The following DCC variants were observed in gnomAD, a reference collection of about 807,000 sequenced individuals.
The protein encoded by DCC is netrin receptor DCC.
A neutral mutation model predicts 172.5 loss-of-function variants in DCC; 58 were observed. That is an observed-to-expected ratio of 0.34 (90% CI 0.27 to 0.42). DCC has a LOEUF of 0.42. Ranked by LOEUF, DCC falls within the 10% of genes least tolerant of loss-of-function variation. The probability of loss-of-function intolerance (pLI) is 1.00; values close to 1 mark genes in which losing one functional copy is unlikely to be tolerated. For synonymous variants in DCC, 709 were observed against 644.5 expected, an observed-to-expected ratio of 1.10 and a Z score of -1.52; for missense variants, 1,740 against 1,791.0, an observed-to-expected ratio of 0.97 and a Z score of 0.51.
intron 2 of DCC, among the ~76,000 whole-genome samples, chr18:52,896,505 T>C (rs1289816943): frequency 1.3e-5 from 2 of 152,206 alleles, no homozygotes; most frequent in African/African-American, 4.8e-5. Flanking sequence ...AACTTTCACA[T>C]ACATAAATGG....
intron 12 of DCC, among the ~76,000 whole-genome samples, chr18:53,257,440 A>G (rs1013543971): frequency 7.2e-5 from 11 of 152,310 alleles, no homozygotes; most frequent in Middle Eastern, 3.4e-3. Flanking sequence ...GAATTTTGTC[A>G]AAGGCCTTTT....
chr18:53,064,951 T>C (rs1347786656), intron 6 of DCC, among the ~76,000 whole-genome samples: 1 of 152,182 alleles, frequency 6.6e-6, no homozygotes, highest in Non-Finnish European at 1.5e-5. Flanking sequence ...TTGAATATAA[T>C]CTTTCTCCCA....
At chr18:52,779,282 C>T (rs904024991) in intron 2 of DCC, among the ~76,000 whole-genome samples, 1 of 152,100 alleles carries the variant, frequency 6.6e-6, no homozygotes. Flanking sequence ...TTAGGTATTT[C>T]TCCTAATCCT....
intron 1 of DCC, among the ~76,000 whole-genome samples, chr18:52,404,585 T>C (rs1986563488): frequency 6.6e-6 from 1 of 150,506 alleles, no homozygotes; most frequent in Admixed American, 6.6e-5. Context: ...CTAGCCCTTA[T>C]CCCTATATTG....
intron 9 of DCC, among the ~76,000 whole-genome samples, chr18:53,196,201 T>G (rs1293712484): frequency 6.6e-6 from 1 of 152,138 alleles, no homozygotes; most frequent in Non-Finnish European, 1.5e-5. Context: ...TATCTTCCGT[T>G]TGGTGTGTGT....
rs192243677 is a variant in DCC at position 53,032,294 on chromosome 18, G to A, written c.986-31011G>A. On this transcript the variant is annotated intron_variant, in intron 5 of 28. Coordinates refer to ENST00000442544, the MANE Select transcript of DCC (RefSeq NM_005215.4). ...GGAAAAAGAAGAAAATATATTAAAA[G>A]CCCTTTTACCTGAAAGAAAGATAAT... Among the ~76,000 whole-genome samples the A allele has an allele frequency of 4.5e-3, 689 of 152,182 alleles. 6 individuals are homozygous for A. The highest frequency in any genetic ancestry group is 0.016 in the African/African-American group (667 of 41,554).
chr18:53,083,104 T>A (rs976180537), intron 7 of DCC, among the ~76,000 whole-genome samples: 5 of 152,126 alleles, frequency 3.3e-5, no homozygotes, highest in African/African-American at 1.2e-4. Context: ...AACATAATCA[T>A]CAAAACATCT....
intron 11 of DCC, among the ~76,000 whole-genome samples, chr18:53,211,745 A>G (rs899732484): frequency 6.6e-6 from 1 of 151,900 alleles, no homozygotes; most frequent in African/African-American, 2.4e-5. Flanking sequence ...AAAATAAAAT[A>G]AATATAAAAT....
intron 2 of DCC, among the ~76,000 whole-genome samples, chr18:52,869,855 C>T (rs1158220441): frequency 1.3e-5 from 2 of 151,728 alleles, no homozygotes; most frequent in African/African-American, 4.8e-5. Flanking sequence ...ACGGAGAGAA[C>T]AGACAGCCCC....
intron 2 of DCC, among the ~76,000 whole-genome samples, chr18:52,856,544 T>A (rs1207783855): frequency 1.4e-5 from 2 of 139,466 alleles, no homozygotes; most frequent in African/African-American, 2.7e-5. Flanking sequence ...GAGGATGGCG[T>A]GAACCCGGGA....
chr18:52,704,806 T>A (rs1011945574), intron 1 of DCC, among the ~76,000 whole-genome samples: 1 of 152,078 alleles, frequency 6.6e-6, no homozygotes, highest in Non-Finnish European at 1.5e-5. Flanking sequence ...TTTCAACTTT[T>A]GTATCTTTGT....
chr18:52,925,027 G>A (rs17390646), intron 4 of DCC, among the ~76,000 whole-genome samples: 1 of 151,310 alleles, frequency 6.6e-6, no homozygotes. Context: ...TCATTTATTT[G>A]ATCGCTACAC....
chr18:53,277,102 A>G (rs1418659631), intron 12 of DCC, among the ~76,000 whole-genome samples: 4 of 152,212 alleles, frequency 2.6e-5, no homozygotes, highest in Non-Finnish European at 4.4e-5. Flanking sequence ...ACAAATAAAT[A>G]TAGTACTCTC....
chr18:53,260,695 C>G (rs1428224164), intron 12 of DCC, among the ~76,000 whole-genome samples: 1 of 152,160 alleles, frequency 6.6e-6, no homozygotes, highest in Non-Finnish European at 1.5e-5. Flanking sequence ...AGATCTCCAG[C>G]CATGTGCTGG....
chr18:53,380,889 T>C (rs1004113070), intron 15 of DCC, among the ~76,000 whole-genome samples: 3 of 152,188 alleles, frequency 2.0e-5, no homozygotes, highest in Admixed American at 2.0e-4. Flanking sequence ...GTAAGGTTGA[T>C]CTTCTCTAAG....
chr18:52,793,828 G>A (rs914161363), intron 2 of DCC, among the ~76,000 whole-genome samples: 6 of 152,116 alleles, frequency 3.9e-5, no homozygotes, highest in Non-Finnish European at 5.9e-5. Context: ...CAAGAGATAC[G>A]GGTGTAGTTT....
intron 7 of DCC, among the ~76,000 whole-genome samples, chr18:53,066,386 T>C: frequency 8.4e-6 from 1 of 119,338 alleles, no homozygotes; most frequent in Admixed American, 8.0e-5. Context: ...TATATATATA[T>C]ATATATATAT....
At chr18:53,112,897 T>A (rs567217102) in intron 7 of DCC, among the ~76,000 whole-genome samples, 6 of 151,566 alleles carry the variant, frequency 4.0e-5, no homozygotes, top group Non-Finnish European at 5.9e-5. Context: ...TTAGTACTTA[T>A]AAGCCTTTTT....
intron 1 of DCC, among the ~76,000 whole-genome samples, chr18:52,383,174 C>T (rs1012127564): frequency 3.9e-5 from 6 of 152,010 alleles, no homozygotes; most frequent in Non-Finnish European, 7.4e-5. Context: ...AGAGCATGAA[C>T]GTACTAAAGG....
Sources: allele counts gnomAD v4.1 joint callset (sites outside exome capture counted in the v4.1 genomes callset), GRCh38; gene constraint gnomAD v4.1.1; transcripts MANE v1.5; gene names NCBI Gene and HGNC (gene_info 2026-07-23, HGNC 2026-07-21).